The following SMOC1 variants were observed in gnomAD, a reference collection of about 807,000 sequenced individuals.
SMOC1 encodes SPARC-related modular calcium-binding protein 1.
In SMOC1, 22 loss-of-function variants were observed where a neutral mutation model predicts 56.3. The observed-to-expected ratio is 0.39, with a 90% CI of 0.28 to 0.56. The LOEUF (loss-of-function observed/expected upper bound fraction) is 0.56, where lower values mean the gene tolerates loss of function less well. Among genes scored for constraint, SMOC1 ranks in the 20% least tolerant of loss-of-function variants. The pLI is 0.61. For missense variants in SMOC1, 509 were observed against 565.4 expected (o/e 0.90, Z 1.01); for synonymous variants, 193 against 215.0 (o/e 0.90, Z 0.89).
chr14:69,885,592 A>G (rs142165544), intron 1 of SMOC1: 118,779 of 1,552,564 alleles, frequency 0.077, 5,058 homozygotes, highest in Non-Finnish European at 0.087. Context: ...TCCCCTTGAT[A>G]ATGCAGTAAG....
At chr14:69,922,381 A>G (rs1198065969) in intron 1 of SMOC1, among the ~76,000 whole-genome samples, 1 of 152,204 alleles carries the variant, frequency 6.6e-6, no homozygotes, top group Non-Finnish European at 1.5e-5. Context: ...ATGCTTGGGC[A>G]CAGTACGTGC....
chr14:69,992,623 C>CT (rs1884606286), intron 6 of SMOC1, 150 bp downstream of exon 6: 6 of 706,904 alleles, frequency 8.5e-6, no homozygotes, highest in Non-Finnish European at 1.4e-5. Flanking sequence ...TTGTTTTAAC[C>CT]TTTTTAAAAA....
chr14:69,978,995 T>G (rs1166854351), intron 5 of SMOC1, among the ~76,000 whole-genome samples: 1 of 151,838 alleles, frequency 6.6e-6, no homozygotes, highest in Non-Finnish European at 1.5e-5. Flanking sequence ...AAGTGTGCAT[T>G]TCATCTCGTG....
chr14:69,992,767 G>A (rs1437706601), intron 6 of SMOC1, among the ~76,000 whole-genome samples: 1 of 152,110 alleles, frequency 6.6e-6, no homozygotes, highest in Non-Finnish European at 1.5e-5. Context: ...CAAGACCCAG[G>A]AATCACAGCT....
At chr14:69,991,552 C>G (rs1884570436) in intron 5 of SMOC1, among the ~76,000 whole-genome samples, 1 of 152,100 alleles carries the variant, frequency 6.6e-6, no homozygotes, top group Non-Finnish European at 1.5e-5. Context: ...ACTCAGAGTC[C>G]TGGAAGGTAA....
chr14:69,894,927 C>T (rs1211732399), intron 1 of SMOC1, among the ~76,000 whole-genome samples: 1 of 152,178 alleles, frequency 6.6e-6, no homozygotes, highest in Non-Finnish European at 1.5e-5. Context: ...CCCATAGATA[C>T]CTACATTTTA....
At chr14:69,961,270 G>GTGTATA (rs1243284284) in intron 3 of SMOC1, among the ~76,000 whole-genome samples, 1 of 59,694 alleles carries the variant, frequency 1.7e-5, no homozygotes, top group Non-Finnish European at 3.0e-5. Context: ...ATATTCTATT[G>GTGTATA]TGTATATATA....
At chr14:69,991,430 A>C (rs1884564021) in intron 5 of SMOC1, among the ~76,000 whole-genome samples, 2 of 152,218 alleles carry the variant, frequency 1.3e-5, no homozygotes, top group Non-Finnish European at 2.9e-5. Flanking sequence ...AAATTTTATT[A>C]GGGAGATGAT....
intron 2 of SMOC1, among the ~76,000 whole-genome samples, chr14:69,952,810 A>G (rs899760065): frequency 6.6e-6 from 1 of 152,228 alleles, no homozygotes; most frequent in Admixed American, 6.5e-5. Context: ...ACATGGCTAG[A>G]CCTGCATAAC....
chr14:69,915,342 T>G (rs1884659569), intron 1 of SMOC1, among the ~76,000 whole-genome samples: 1 of 152,212 alleles, frequency 6.6e-6, no homozygotes, highest in South Asian at 2.1e-4. Context: ...TCACTGTGGA[T>G]GAACTGCTGT....
At position 69,879,758 on chromosome 14, in the gene SMOC1, A is replaced by G. The variant is rs1343652839; in HGVS notation, c.80A>G (p.His27Arg). 2.5e-6 allele frequency: 4 copies of G among 1,592,114 alleles called. No individual in the cohort carries two copies. Among genetic ancestry groups the G allele is most frequent in the Non-Finnish European group, 3.4e-6 (4 of 1,176,106 alleles). The change falls in exon 1 of 12, where the codon CAC becomes CGC. Residue 27 changes from histidine (H) to arginine (R), a missense_variant. By Grantham distance (29) the His-to-Arg change is conservative (BLOSUM62 0). This residue lies in a region of SMOC1 where 315 missense variants were observed against 333.1 expected (regional missense o/e 0.95). Coordinates refer to ENST00000361956, the MANE Select transcript of SMOC1 (RefSeq NM_001034852.3). ...GTGCAGCTGTCCCCTGCTCGCGGCC[A>G]CCGCACCACAGGCCCCAGGGTAAGT... ...VLVQLSPARG[H>R]RTTGPRFLIS...
chr14:69,964,771 C>T (rs754456040), intron 3 of SMOC1, among the ~76,000 whole-genome samples: 2 of 152,168 alleles, frequency 1.3e-5, no homozygotes, highest in Non-Finnish European at 2.9e-5. Context: ...GTTATTCAGT[C>T]CTCACTATAA....
intron 1 of SMOC1, among the ~76,000 whole-genome samples, chr14:69,882,555 G>C (rs1883672667): frequency 1.3e-5 from 2 of 152,204 alleles, no homozygotes; most frequent in South Asian, 4.1e-4. Context: ...GTGAGTGGTT[G>C]CTTGGCTAGC....
At position 69,879,447 on chromosome 14, in the gene SMOC1, C is replaced by G. The variant is rs1883566724; in HGVS notation, c.-232C>G. ...CCAACCTGCTGCCGCCTGGGCCCCGCCGAGCGGAGCTAGCGCCGCGCGCAG... is the reference window on the plus strand; with the variant it reads ...CCAACCTGCTGCCGCCTGGGCCCCGGCGAGCGGAGCTAGCGCCGCGCGCAG... On this transcript the variant is annotated 5_prime_UTR_variant, in exon 1 of 12. Transcript: ENST00000361956. 1 of 386,314 alleles carries G rather than the reference C, an allele frequency of 2.6e-6. No individual in the cohort carries two copies. The highest frequency in any genetic ancestry group is 4.5e-6 in the Non-Finnish European group (1 of 220,596). The allele number at this position is 386,314 out of a possible 1,614,324, so 23.9% of individuals were successfully genotyped here.
At chr14:69,995,376 A>G (rs2139551506) in intron 7 of SMOC1, among the ~76,000 whole-genome samples, 1 of 152,316 alleles carries the variant, frequency 6.6e-6, no homozygotes, top group South Asian at 2.1e-4. Flanking sequence ...ATAGACCAGG[A>G]GGTGAATTCA....
In SMOC1 at chr14:69,885,336, A is replaced by G; in HGVS notation, c.99+5559A>G. Reference sequence around the variant, plus strand: ...TTATGTACAGAAAACTCAACAGTGTACATTTAACCCAGTTTAGTGGCAAGT... The same window carrying G: ...TTATGTACAGAAAACTCAACAGTGTGCATTTAACCCAGTTTAGTGGCAAGT... On this transcript the variant is annotated intron_variant, in intron 1 of 11. Coordinates refer to ENST00000361956, the MANE Select transcript of SMOC1 (RefSeq NM_001034852.3). 6.0e-6 allele frequency: 9 copies of G among 1,488,312 alleles called. No individual in the cohort carries two copies. In the South Asian group the frequency reaches 7.9e-5, roughly 13 times the overall value. The allele number at this position is 1,488,312 out of a possible 1,614,324, so 92.2% of individuals were successfully genotyped here.
At chr14:69,952,112 T>A in intron 1 of SMOC1, 26 bp from the exon 2 acceptor site, 2 of 1,613,950 alleles carry the variant, frequency 1.2e-6, no homozygotes, top group Non-Finnish European at 1.7e-6. Flanking sequence ...GTAACCTCTG[T>A]ACCCTTTCAC....
intron 1 of SMOC1, among the ~76,000 whole-genome samples, chr14:69,913,036 G>A (rs1411111789): frequency 6.6e-6 from 1 of 152,176 alleles, no homozygotes; most frequent in Non-Finnish European, 1.5e-5. Flanking sequence ...GCTGGCATGT[G>A]GAGACACAGA....
chr14:69,927,930 G>A (rs1885053411), intron 1 of SMOC1, among the ~76,000 whole-genome samples: 1 of 152,180 alleles, frequency 6.6e-6, no homozygotes, highest in Admixed American at 6.5e-5. Flanking sequence ...AGCTAAGAGG[G>A]ACCCCTTGAG....
Sources: gnomAD v4.1 joint callset for allele counts (sites outside exome capture counted in the v4.1 genomes callset) on GRCh38, gnomAD v4.1.1 for gene constraint, gnomAD v4.1.1 regional missense constraint, MANE v1.5 for transcripts, NCBI Gene and HGNC (gene_info 2026-07-23, HGNC 2026-07-21) for gene names.